The following LHPP variants were observed in gnomAD, a reference collection of about 807,000 sequenced individuals.
The protein encoded by LHPP is phospholysine phosphohistidine inorganic pyrophosphate phosphatase, also known as hLHPP.
A neutral mutation model predicts 30.3 loss-of-function variants in LHPP; 24 were observed. That is an observed-to-expected ratio of 0.79 (90% CI 0.57 to 1.11). The LOEUF is 1.11. Among genes scored for constraint, LHPP ranks in the 50% most tolerant of loss-of-function variants. The pLI is 0.00. For synonymous variants in LHPP, 150 were observed against 157.1 expected (o/e 0.95, Z 0.34); for missense variants, 356 against 367.2 (o/e 0.97, Z 0.25).
In LHPP at chr10:124,541,126, C is replaced by T. The variant is rs1374937475; in HGVS notation, c.716+23855C>T. Among the ~76,000 whole-genome samples, 4 of 152,156 alleles carry T rather than the reference C, an allele frequency of 2.6e-5. No homozygotes were observed. The highest frequency in any genetic ancestry group is 5.9e-5 in the Non-Finnish European group (4 of 68,032). On this transcript the variant is annotated intron_variant, in intron 6 of 6. Transcript: ENST00000368842. The surrounding 1 kb of genome is among the most constrained non-coding windows in gnomAD (Gnocchi z 4.2). ...GATGGCCGGAGGAGAGCCTGCCATA[C>T]CCACGCAGTGTGCCTGAGTCCTGGA...
intron 6 of LHPP, chr10:124,612,698 T>A (rs1315520926): frequency 6.5e-6 from 1 of 154,212 alleles, no homozygotes; most frequent in Non-Finnish European, 1.4e-5. Context: ...CAGAGGGCAG[T>A]TTATCCAGGA....
chr10:124,569,330 C>T (rs562839850), intron 6 of LHPP, among the ~76,000 whole-genome samples: 1 of 152,326 alleles, frequency 6.6e-6, no homozygotes, highest in East Asian at 1.9e-4. Context: ...TGAGGCCTTT[C>T]ACCCCGTCAG....
At chr10:124,488,374 A>G (rs1440619352) in intron 2 of LHPP, 48 bp from the exon 3 acceptor site, 4 of 1,593,812 alleles carry the variant, frequency 2.5e-6, no homozygotes, top group Admixed American at 3.5e-5. Flanking sequence ...GAGGTAGGCC[A>G]TGTCCTCCCA....
In LHPP at chr10:124,592,381, C is replaced by T. The variant is rs1156569822; in HGVS notation, c.717-20883C>T. Reference sequence around the variant, plus strand: ...GCTCTCGAACTGCAGCATACCCGAGCTCTTAAAGCACACTGGACCTAGGGC... The same window carrying T: ...GCTCTCGAACTGCAGCATACCCGAGTTCTTAAAGCACACTGGACCTAGGGC... On this transcript the variant is annotated intron_variant, in intron 6 of 6. Transcript: ENST00000368842. The surrounding 1 kb of genome is among the most constrained non-coding windows in gnomAD (Gnocchi z 6.2). Among the ~76,000 whole-genome samples, 2 of 152,216 alleles carry T rather than the reference C, an allele frequency of 1.3e-5. No individual in the cohort carries two copies. The highest frequency in any genetic ancestry group is 2.9e-5 in the Non-Finnish European group (2 of 68,034).
At chr10:124,481,118 A>G (rs1386108369) in intron 1 of LHPP, among the ~76,000 whole-genome samples, 1 of 152,128 alleles carries the variant, frequency 6.6e-6, no homozygotes, top group Non-Finnish European at 1.5e-5. Flanking sequence ...ACCCGAATAG[A>G]TTCATCCCTG....
At chr10:124,534,436 C>T (rs578054258) in intron 6 of LHPP, among the ~76,000 whole-genome samples, 46 of 152,366 alleles carry the variant, frequency 3.0e-4, no homozygotes, top group South Asian at 1.7e-3. Flanking sequence ...ACGGCTTAGA[C>T]GGGAGGTCCG....
chr10:124,599,581 C>T (rs952736907), intron 6 of LHPP, among the ~76,000 whole-genome samples: 2 of 152,270 alleles, frequency 1.3e-5, no homozygotes, highest in East Asian at 3.8e-4. Context: ...CTCTCAGTTC[C>T]TCAGCCTGGC....
rs964452971 is a variant in LHPP at position 124,613,540 on chromosome 10, G to A, written c.*180G>A. 4.8e-6 allele frequency: 3 copies of A among 623,212 alleles called. No homozygotes were observed. The highest frequency in any genetic ancestry group is 4.7e-5 in the Admixed American group (2 of 42,614). 38.6% of individuals were successfully genotyped at this position (623,212 alleles called of 1,614,324 possible). A position where few individuals can be genotyped will look rare whatever the true frequency, so the allele number is the denominator to read the frequency against. On this transcript the variant is annotated 3_prime_UTR_variant, in exon 7 of 7. Coordinates refer to ENST00000368842, the MANE Select transcript of LHPP (RefSeq NM_022126.4). ...GCCCAGACCAACCAAGGCCCTGACA[G>A]CCCTGCCTTCTGCCCTCTGCCCTGC... is the stretch of plus-strand genomic sequence containing the variant.
At chr10:124,553,334 GCTTTC>G (rs376882778) in intron 6 of LHPP, among the ~76,000 whole-genome samples, 15 of 152,266 alleles carry the variant, frequency 9.9e-5, no homozygotes, top group African/African-American at 3.6e-4. Flanking sequence ...AGCATATGGG[GCTTTC>G]CTCCTGCCCA....
At chr10:124,470,194 G>C (rs995759851) in intron 1 of LHPP, among the ~76,000 whole-genome samples, 4 of 152,082 alleles carry the variant, frequency 2.6e-5, no homozygotes, top group African/African-American at 7.2e-5. Context: ...GGCCGGCCTC[G>C]GGGCCCTGGG....
At chr10:124,575,389 G>A (rs1948644773) in intron 6 of LHPP, among the ~76,000 whole-genome samples, 1 of 152,168 alleles carries the variant, frequency 6.6e-6, no homozygotes, top group Non-Finnish European at 1.5e-5. Context: ...CAGTGGGGGC[G>A]GAGGTACAGT....
At chr10:124,530,974 T>A (rs1037945439) in intron 6 of LHPP, among the ~76,000 whole-genome samples, 2 of 152,146 alleles carry the variant, frequency 1.3e-5, no homozygotes, top group African/African-American at 4.8e-5. Flanking sequence ...GCTCTGGGCA[T>A]TGGGGGCCTC....
rs546461343 is a variant in LHPP, at chr10:124,489,515, C to T, written c.467+940C>T. On this transcript the variant is annotated intron_variant, in intron 3 of 6. Coordinates refer to ENST00000368842, the MANE Select transcript of LHPP (RefSeq NM_022126.4). Reference sequence around the variant, plus strand: ...TGTCACCCAGGCTGGAGTGCAGCGGCGTGATCTCGGCTCGCTGCAACCTCT... The same window carrying T: ...TGTCACCCAGGCTGGAGTGCAGCGGTGTGATCTCGGCTCGCTGCAACCTCT... 3.4e-4 allele frequency among the ~76,000 whole-genome samples: 51 copies of T among 152,234 alleles called. 1 individual carries two copies. The highest frequency in any genetic ancestry group is 1.1e-3 in the African/African-American group (45 of 41,524).
intron 6 of LHPP, among the ~76,000 whole-genome samples, chr10:124,525,903 C>T (rs1954719334): frequency 6.6e-6 from 1 of 152,154 alleles, no homozygotes; most frequent in African/African-American, 2.4e-5. Flanking sequence ...TGTGGGAAAA[C>T]CGGTGGGCTG....
chr10:124,524,275 A>ATTT (rs59957047), intron 6 of LHPP, among the ~76,000 whole-genome samples: 8 of 126,198 alleles, frequency 6.3e-5, no homozygotes, highest in Admixed American at 1.6e-4. Context: ...TTTTGTTTTC[A>ATTT]TTTTTTTTTT....
chr10:124,577,931 C>T (rs7071619), intron 6 of LHPP, among the ~76,000 whole-genome samples: 3,310 of 152,136 alleles, frequency 0.022, 109 homozygotes, highest in African/African-American at 0.074. Flanking sequence ...GTCCCCACCT[C>T]GGTGCAGCAC....
At chr10:124,531,674 A>G (rs994480894) in intron 6 of LHPP, among the ~76,000 whole-genome samples, 19 of 152,238 alleles carry the variant, frequency 1.2e-4, no homozygotes, top group African/African-American at 2.4e-5. Flanking sequence ...ATTGCTTAGA[A>G]GTGGTGCTGT....
At chr10:124,568,093 T>C (rs1240141363) in intron 6 of LHPP, among the ~76,000 whole-genome samples, 1 of 152,158 alleles carries the variant, frequency 6.6e-6, no homozygotes, top group Non-Finnish European at 1.5e-5. Flanking sequence ...TTTTGTATTT[T>C]TCAGTAGAGA....
intron 1 of LHPP, among the ~76,000 whole-genome samples, chr10:124,469,101 T>C (rs555205914): frequency 7.8e-4 from 118 of 152,170 alleles, no homozygotes; most frequent in Non-Finnish European, 1.4e-3. Flanking sequence ...TGTGGCCTCC[T>C]TGATATGTAC....
Sources: gnomAD v4.1 joint callset for allele counts (sites outside exome capture counted in the v4.1 genomes callset) on GRCh38, gnomAD v4.1.1 for gene constraint, Gnocchi (gnomAD v3.1) non-coding constraint, MANE v1.5 for transcripts, NCBI Gene and HGNC (gene_info 2026-07-23, HGNC 2026-07-21) for gene names.